Variants in GRIK3 observed in about 807,000 individuals in gnomAD.
GRIK3 encodes glutamate receptor ionotropic, kainate 3.
Under a neutral mutation model 102.5 loss-of-function variants are expected in GRIK3, and 29 were observed. The observed-to-expected ratio is 0.28, with a 90% CI of 0.21 to 0.39. GRIK3 has a LOEUF of 0.39. GRIK3 is among the 10% of genes least tolerant of loss of function. The pLI is 1.00. For synonymous variants in GRIK3, 511 were observed against 504.9 expected (o/e 1.01, Z -0.16); for missense variants, 908 against 1,252.4 (o/e 0.73, Z 4.15).
At chr1:36,916,545 A>G (rs1368450524) in intron 1 of GRIK3, among the ~76,000 whole-genome samples, 1 of 152,150 alleles carries the variant, frequency 6.6e-6, no homozygotes, top group Non-Finnish European at 1.5e-5. Flanking sequence ...GGCCGGGCTC[A>G]GGGTTCCAGT....
intron 1 of GRIK3, among the ~76,000 whole-genome samples, chr1:36,920,587 C>T (rs906083715): frequency 4.6e-5 from 7 of 152,180 alleles, no homozygotes; most frequent in African/African-American, 1.7e-4. Context: ...TGGCTCTGGC[C>T]TCTTGTGTCC....
chr1:36,824,714 G>A (rs937022326), intron 11 of GRIK3, among the ~76,000 whole-genome samples: 1 of 152,160 alleles, frequency 6.6e-6, no homozygotes, highest in Non-Finnish European at 1.5e-5. Flanking sequence ...GAGGGAGAAG[G>A]CAGAGGGCTC....
intron 11 of GRIK3, 49 bp downstream of exon 11, chr1:36,825,554 C>T (rs956589535): frequency 7.5e-7 from 1 of 1,336,152 alleles, no homozygotes; most frequent in East Asian, 2.4e-5. Flanking sequence ...CTGCCTAACC[C>T]CTAGACCTTC....
intron 5 of GRIK3, among the ~76,000 whole-genome samples, chr1:36,863,811 A>T (rs1372319687): frequency 1.3e-5 from 2 of 152,004 alleles, no homozygotes; most frequent in Non-Finnish European, 2.9e-5. Flanking sequence ...CTCCCCTATG[A>T]GCTATGGGCT....
rs961730881 is a variant in GRIK3, at chr1:36,798,509, G to C, written c.*3342C>G. 6.6e-6 allele frequency: 1 copy of C among 152,296 alleles called. No individual in the cohort carries two copies. The highest frequency in any genetic ancestry group is 2.4e-5 in the African/African-American group (1 of 41,440). The allele number at this position is 152,296 out of a possible 1,614,324, so 9.4% of individuals were successfully genotyped here. A position where few individuals can be genotyped will look rare whatever the true frequency, so the allele number is the denominator to read the frequency against. On this transcript the variant is annotated 3_prime_UTR_variant, in exon 16 of 16. Transcript: ENST00000373091. ...CACACACACGCATGCACCTGCCCCA[G>C]CTCAGCTCCATGCCCACTGGCAGGA...
intron 1 of GRIK3, among the ~76,000 whole-genome samples, chr1:37,008,253 C>A (rs1288927764): frequency 5.9e-5 from 9 of 152,204 alleles, no homozygotes; most frequent in African/African-American, 2.2e-4. Flanking sequence ...TCTACCCTTA[C>A]CGAGCGGGGT....
At chr1:36,845,080 T>C (rs1270699142) in intron 9 of GRIK3, among the ~76,000 whole-genome samples, 1 of 152,216 alleles carries the variant, frequency 6.6e-6, no homozygotes, top group Non-Finnish European at 1.5e-5. Flanking sequence ...ATGGCATACA[T>C]ATTTAACAGC....
At chr1:36,949,787 C>T (rs959658747) in intron 1 of GRIK3, among the ~76,000 whole-genome samples, 1 of 151,952 alleles carries the variant, frequency 6.6e-6, no homozygotes, top group Non-Finnish European at 1.5e-5. Context: ...CCATGTTGGC[C>T]AGGATGGTTT....
At chr1:37,006,694 C>T (rs562660030) in intron 1 of GRIK3, among the ~76,000 whole-genome samples, 1 of 152,222 alleles carries the variant, frequency 6.6e-6, no homozygotes. Flanking sequence ...GAGCTCTGTT[C>T]TGAGTTACCT....
At chr1:36,813,788 A>AG (rs1642590573) in intron 13 of GRIK3, among the ~76,000 whole-genome samples, 1 of 115,192 alleles carries the variant, frequency 8.7e-6, no homozygotes, top group African/African-American at 3.4e-5. Flanking sequence ...TCATCATCTG[A>AG]GGTGGGGGGG....
intron 1 of GRIK3, among the ~76,000 whole-genome samples, chr1:36,981,270 A>C (rs953626397): frequency 2.6e-5 from 4 of 152,184 alleles, no homozygotes; most frequent in African/African-American, 7.2e-5. Context: ...GCAGGTGAAC[A>C]GAGAGGGGTT....
chr1:36,826,237 A>C (rs572614938), intron 10 of GRIK3, among the ~76,000 whole-genome samples: 5 of 152,252 alleles, frequency 3.3e-5, no homozygotes, highest in Admixed American at 6.5e-5. Flanking sequence ...AGGACACAGA[A>C]TGCACCACAA....
At chr1:36,863,591 T>C (rs1640750797) in intron 5 of GRIK3, among the ~76,000 whole-genome samples, 1 of 152,160 alleles carries the variant, frequency 6.6e-6, no homozygotes, top group African/African-American at 2.4e-5. Flanking sequence ...TTGTATGCCT[T>C]CTATTTCCAG....
At chr1:37,017,393 A>AAG (rs1553128526) in intron 1 of GRIK3, among the ~76,000 whole-genome samples, 4 of 150,882 alleles carry the variant, frequency 2.7e-5, no homozygotes, top group Non-Finnish European at 4.4e-5. Context: ...AAAAAAAAAA[A>AAG]AAGAAGAAGA....
chr1:36,813,762 G>C (rs893574276), intron 13 of GRIK3, among the ~76,000 whole-genome samples: 4 of 150,892 alleles, frequency 2.7e-5, no homozygotes, highest in African/African-American at 7.3e-5. Flanking sequence ...GCGGGGCGGG[G>C]GGTGGTGCTT....
intron 11 of GRIK3, 77 bp downstream of exon 11, chr1:36,825,526 G>A (rs559270656): frequency 1.1e-6 from 1 of 915,172 alleles, no homozygotes; most frequent in African/African-American, 1.7e-5. Flanking sequence ...CTGTGCCAGG[G>A]GCTGAGGAGA....
At chr1:36,833,205 C>T (rs1310169630) in intron 10 of GRIK3, among the ~76,000 whole-genome samples, 1 of 152,220 alleles carries the variant, frequency 6.6e-6, no homozygotes, top group Non-Finnish European at 1.5e-5. Context: ...GGGCTGAGCT[C>T]TGGCGTCGGG....
At chr1:36,820,035 T>C (rs1489621542) in intron 11 of GRIK3, among the ~76,000 whole-genome samples, 181 bp from the exon 12 acceptor site, 1 of 152,210 alleles carries the variant, frequency 6.6e-6, no homozygotes, top group Admixed American at 6.5e-5. Flanking sequence ...CTTTTCTGGT[T>C]ATAAAGGTAA....
rs141595955 is a variant in GRIK3 at position 36,872,238 on chromosome 1, G to A, written c.682C>T (p.Arg228Cys). The A allele has an allele frequency of 8.7e-6, 14 of 1,612,102 alleles. No individual in the cohort carries two copies. The highest frequency in any genetic ancestry group is 3.3e-5 in the Admixed American group (2 of 59,774). The stretch of plus-strand genomic sequence containing the variant: ...GTGTGGCTGCAGTCGAAGATAATGC[G>A]GAATTCCCGGCCTCGCTTCATCTCC... The part of the protein sequence containing the change: ...LKEMKRGREF[R>C]IIFDCSHTMA... The change falls in exon 4 of 16, where the codon CGC becomes TGC. Residue 228 changes from arginine to cysteine, a missense_variant. Transcript: ENST00000373091. The surrounding 1 kb of genome is among the most constrained non-coding windows in gnomAD (Gnocchi z 5.9).
Sources: gnomAD v4.1 joint callset for allele counts (sites outside exome capture counted in the v4.1 genomes callset) on GRCh38, gnomAD v4.1.1 for gene constraint, Gnocchi (gnomAD v3.1) non-coding constraint, MANE v1.5 for transcripts, NCBI Gene and HGNC (gene_info 2026-07-23, HGNC 2026-07-21) for gene names.